Variants in DYNC2H1 observed in about 807,000 individuals in gnomAD.
DYNC2H1 encodes dynein cytoplasmic 2 heavy chain 1, also known as cytoplasmic dynein 2 heavy chain 1.
DYNC2H1 carries 410 observed loss-of-function variants against 570.0 expected under a neutral mutation model. The ratio of observed to expected loss-of-function variants is 0.72; its 90% CI spans 0.66 to 0.78. The LOEUF is 0.78. Among genes scored for constraint, DYNC2H1 ranks in the 30% least tolerant of loss-of-function variants. The pLI is 0.00. For missense variants in DYNC2H1, 4,865 were observed against 5,046.4 expected, an observed-to-expected ratio of 0.96 and a Z score of 1.09; for synonymous variants, 1,688 against 1,677.6, an observed-to-expected ratio of 1.01 and a Z score of -0.15.
At chr11:103,233,542 G>T (rs1039721079) in intron 60 of DYNC2H1, among the ~76,000 whole-genome samples, 12 of 151,756 alleles carry the variant, frequency 7.9e-5, no homozygotes, top group African/African-American at 2.9e-4. Flanking sequence ...GTTAGAGGGG[G>T]TTGGGCTGTG....
chr11:103,233,964 C>G, intron 60 of DYNC2H1, 70 bp from the exon 61 acceptor site: 5 of 1,374,578 alleles, frequency 3.6e-6, no homozygotes, highest in Non-Finnish European at 4.8e-6. Flanking sequence ...TACTTTATTA[C>G]CTATGGATAA....
intron 77 of DYNC2H1, among the ~76,000 whole-genome samples, chr11:103,306,480 C>T (rs1301618400): frequency 6.6e-6 from 1 of 151,954 alleles, no homozygotes; most frequent in Non-Finnish European, 1.5e-5. Context: ...CCAACTATAT[C>T]CAGCTATAAA....
intron 84 of DYNC2H1, among the ~76,000 whole-genome samples, chr11:103,433,708 T>G (rs769308527): frequency 3.9e-5 from 6 of 152,116 alleles, no homozygotes; most frequent in Non-Finnish European, 7.4e-5. Context: ...TTCATTTCAT[T>G]ACAGGATCAG....
At chr11:103,410,989 T>C (rs1341502779) in intron 84 of DYNC2H1, among the ~76,000 whole-genome samples, 1 of 152,144 alleles carries the variant, frequency 6.6e-6, no homozygotes, top group East Asian at 1.9e-4. Flanking sequence ...CCGGGTGATG[T>C]AGAGGGCATT....
At chr11:103,368,478 A>G (rs313373) in intron 83 of DYNC2H1, among the ~76,000 whole-genome samples, 83,932 of 151,790 alleles carry the variant, frequency 0.55, 24,959 homozygotes, top group Admixed American at 0.66. Flanking sequence ...TTCCTTTTAC[A>G]TTCTGGATAT....
intron 87 of DYNC2H1, among the ~76,000 whole-genome samples, chr11:103,460,935 G>A (rs886368178): frequency 2.6e-5 from 4 of 151,932 alleles, no homozygotes; most frequent in African/African-American, 9.7e-5. Flanking sequence ...AATAAGCATG[G>A]TATAATGACT....
At chr11:103,216,824 G>A (rs1168314634) in intron 55 of DYNC2H1, among the ~76,000 whole-genome samples, 1 of 151,876 alleles carries the variant, frequency 6.6e-6, no homozygotes, top group Non-Finnish European at 1.5e-5. Context: ...TGTTAAACAT[G>A]TCTTCTTGGA....
In DYNC2H1 at chr11:103,155,367, CA is replaced by C; in HGVS notation, c.3611del (p.His1204LeufsTer22). The C allele has an allele frequency of 6.2e-7, 1 of 1,608,492 alleles. No homozygotes were observed. The highest frequency in any genetic ancestry group is 8.5e-7 in the Non-Finnish European group (1 of 1,178,004). ...TATCTTGAAATATGTGAGAGGGGAG[CA>C]TCTTTCTCCAGATCACTGGCTTGAC... ...IPILKYVRGEHLSPDHWLDLF... is the reference protein window; with the variant it reads ...IPILKYVRGEXLSPDHWLDLF... On this transcript the variant is annotated frameshift_variant, in exon 25 of 89. Coordinates refer to ENST00000375735, the MANE Select transcript of DYNC2H1 (RefSeq NM_001377.3). LOFTEE classifies it high-confidence loss of function.
chr11:103,123,057 AC>A (rs763671181), intron 11 of DYNC2H1, 57 bp downstream of exon 11: 8 of 1,214,770 alleles, frequency 6.6e-6, no homozygotes, highest in Non-Finnish European at 8.4e-6. Flanking sequence ...TAATCCAAAT[AC>A]CCAGAGGGAA....
In DYNC2H1 at chr11:103,148,487, C is replaced by T. The variant is rs1370930642; in HGVS notation, c.2819-3C>T. 6.4e-7 allele frequency: 1 copy of T among 1,556,076 alleles called. No individual in the cohort carries two copies. Among genetic ancestry groups the T allele is most frequent in the Non-Finnish European group, 8.7e-7 (1 of 1,149,118 alleles). ...TTTCTTGTATTTCAATGTTACCACT[C>T]AGCTCATTTACATGAAATTGATACA... On this transcript the variant is annotated splice_region_variant and splice_polypyrimidine_tract_variant and intron_variant, in intron 19 of 88. Coordinates refer to ENST00000375735, the MANE Select transcript of DYNC2H1 (RefSeq NM_001377.3).
rs1363491875 is a variant in DYNC2H1 at position 103,204,260 on chromosome 11, G to A, written c.8311+484G>A. ...ACCAGGTTCCTCCCGCAACACGTGGGGATTATGGGAGCTACAAAATGAGAT... is the reference window on the plus strand; with the variant it reads ...ACCAGGTTCCTCCCGCAACACGTGGAGATTATGGGAGCTACAAAATGAGAT... On this transcript the variant is annotated intron_variant, in intron 51 of 88. Coordinates refer to ENST00000375735, the MANE Select transcript of DYNC2H1 (RefSeq NM_001377.3). This position sits in a 1 kb window ranked among gnomAD's most constrained non-coding sequence, Gnocchi z 4.1. Among the ~76,000 whole-genome samples the A allele has an allele frequency of 6.6e-6, 1 of 152,084 alleles. No homozygotes were observed. The highest frequency in any genetic ancestry group is 2.1e-4 in the South Asian group (1 of 4,820).
At chr11:103,279,397 C>A (rs538025412) in intron 70 of DYNC2H1, among the ~76,000 whole-genome samples, 16 of 152,144 alleles carry the variant, frequency 1.1e-4, no homozygotes, top group Admixed American at 7.2e-4. Context: ...GAGTATGATC[C>A]TCCTAAGACT....
Position 103,114,091 on chromosome 11 carries a change from G to GT in DYNC2H1, c.367-7dup. 6.2e-7 allele frequency: 1 copy of GT among 1,607,444 alleles called. No individual in the cohort carries two copies. The highest frequency in any genetic ancestry group is 8.5e-7 in the Non-Finnish European group (1 of 1,176,510). On this transcript the variant is annotated splice_polypyrimidine_tract_variant and intron_variant, in intron 2 of 88. Coordinates refer to ENST00000375735, the MANE Select transcript of DYNC2H1 (RefSeq NM_001377.3). ...TGATCAATCTTGGTTGCTCTTGTCT[G>GT]TTTTTATTTAGGATCAGGAATGGAG...
chr11:103,136,373 C>G (rs75524134), intron 17 of DYNC2H1, among the ~76,000 whole-genome samples: 5,669 of 150,622 alleles, frequency 0.038, 196 homozygotes, highest in Admixed American at 0.1. Context: ...TATCCCTCCC[C>G]CCTCCCGCCA....
At chr11:103,300,822 A>G (rs926909058) in intron 75 of DYNC2H1, among the ~76,000 whole-genome samples, 3 of 152,002 alleles carry the variant, frequency 2.0e-5, no homozygotes, top group African/African-American at 7.2e-5. Context: ...AACAAGTGGT[A>G]TGGTAATCTG....
chr11:103,455,246 CTTTTCCATCCAGACACATT>C lies in DYNC2H1; in HGVS notation c.12519_12537del (p.Phe4174LeufsTer22). 1 of 1,613,436 alleles carries C rather than the reference CTTTTCCATCCAGACACATT, an allele frequency of 6.2e-7. No homozygotes were observed. On this transcript the variant is annotated frameshift_variant, in exon 86 of 89. Coordinates refer to ENST00000375735, the MANE Select transcript of DYNC2H1 (RefSeq NM_001377.3). LOFTEE classifies it high-confidence loss of function. ...CTCTGAAACACTTGACCTATCAGAA[CTTTTCCATCCAGACACATT>C]TCTTAATGCTCTTCGCCAGGAAACT...
At chr11:103,287,678 G>A (rs1591527275) in intron 75 of DYNC2H1, 73 bp downstream of exon 75, 1 of 1,203,530 alleles carries the variant, frequency 8.3e-7, no homozygotes, top group Admixed American at 2.4e-5. Flanking sequence ...TTCATTTTAT[G>A]TTAGCCTGAG....
At chr11:103,375,486 A>G (rs1355491958) in intron 83 of DYNC2H1, among the ~76,000 whole-genome samples, 1 of 152,210 alleles carries the variant, frequency 6.6e-6, no homozygotes, top group East Asian at 1.9e-4. Context: ...ACACAAAACC[A>G]GCTGTGAAAG....
intron 82 of DYNC2H1, among the ~76,000 whole-genome samples, chr11:103,351,841 T>A (rs1010507525): frequency 3.3e-5 from 5 of 152,172 alleles, no homozygotes; most frequent in African/African-American, 4.8e-5. Context: ...TTTTAAAGAA[T>A]GCTAATAGAA....
Sources: gnomAD v4.1 joint callset for allele counts (sites outside exome capture counted in the v4.1 genomes callset) on GRCh38, gnomAD v4.1.1 for gene constraint, Gnocchi (gnomAD v3.1) non-coding constraint, MANE v1.5 for transcripts, NCBI Gene and HGNC (gene_info 2026-07-23, HGNC 2026-07-21) for gene names.